The following ERBB4 variants were observed in gnomAD, a reference collection of about 807,000 sequenced individuals.
The protein encoded by ERBB4 is receptor tyrosine-protein kinase erbB-4.
In ERBB4, 42 loss-of-function variants were observed where a neutral mutation model predicts 158.0. The ratio of observed to expected loss-of-function variants is 0.27; its 90% confidence interval spans 0.21 to 0.34. The LOEUF is 0.34. Among genes scored for constraint, ERBB4 ranks in the 10% least tolerant of loss-of-function variants. The pLI, the probability that ERBB4 is intolerant of heterozygous loss-of-function variation, is 1.00. For synonymous variants in ERBB4, 583 were observed against 558.7 expected (o/e 1.04, Z -0.61); for missense variants, 1,333 against 1,624.1 (o/e 0.82, Z 3.08).
chr2:211,999,916 T>C (rs192621606), intron 2 of ERBB4, among the ~76,000 whole-genome samples: 2 of 151,934 alleles, frequency 1.3e-5, no homozygotes, highest in Admixed American at 1.3e-4. Context: ...CTTTTAATTT[T>C]AGACCAGTGG....
chr2:212,168,003 C>T (rs2081400335), intron 1 of ERBB4, among the ~76,000 whole-genome samples: 1 of 151,548 alleles, frequency 6.6e-6, no homozygotes, highest in African/African-American at 2.4e-5. Flanking sequence ...ACCACCATGG[C>T]ACACGTATAC....
intron 1 of ERBB4, among the ~76,000 whole-genome samples, chr2:212,204,549 T>C (rs1304259492): frequency 6.6e-6 from 1 of 151,654 alleles, no homozygotes; most frequent in Non-Finnish European, 1.5e-5. Context: ...AACACAAAAA[T>C]TAGCCGGCTT....
chr2:211,905,738 G>GTATATATATATATATATATA (rs1469524984), intron 3 of ERBB4, among the ~76,000 whole-genome samples: 24 of 108,232 alleles, frequency 2.2e-4, no homozygotes, highest in African/African-American at 7.2e-4. Context: ...GTGTGTGCAT[G>GTATATATATATATATATATA]TGTGTGTATA....
chr2:211,842,163 T>C (rs1216645656), intron 3 of ERBB4, among the ~76,000 whole-genome samples: 1 of 152,028 alleles, frequency 6.6e-6, no homozygotes, highest in Non-Finnish European at 1.5e-5. Flanking sequence ...GTGATTTGAA[T>C]TTTTTTGAAT....
intron 1 of ERBB4, among the ~76,000 whole-genome samples, chr2:212,402,001 G>A (rs1574852313): frequency 6.6e-6 from 1 of 152,000 alleles, no homozygotes; most frequent in African/African-American, 2.4e-5. Flanking sequence ...TCTATTAATT[G>A]TATTCTCGGC....
chr2:212,003,191 AAGAAAGAAAGAAAGAC>A lies in ERBB4; in HGVS notation c.235-55591_235-55576del, dbSNP rs1398843113. 5.2e-3 allele frequency among the ~76,000 whole-genome samples: 385 copies of A among 74,020 alleles called. 18 individuals carry two copies. Among genetic ancestry groups the A allele is most frequent in the East Asian group, 0.016 (43 of 2,652 alleles). 48.6% of individuals were successfully genotyped at this position (74,020 alleles called of 152,430 possible). ...AAAGAAAGAAAGAAAGAAAGAAAGA[AAGAAAGAAAGAAAGAC>A]AGAAAGAAGGAAGGAAGGAAGGAAG... On this transcript the variant is annotated intron_variant, in intron 2 of 27. Transcript: ENST00000342788.
At chr2:212,043,367 A>C (rs2077183734) in intron 2 of ERBB4, among the ~76,000 whole-genome samples, 1 of 152,106 alleles carries the variant, frequency 6.6e-6, no homozygotes, top group Admixed American at 6.6e-5. Flanking sequence ...ATTTGTTTCT[A>C]ATTGTGCTAG....
chr2:212,522,148 T>C (rs986057730), intron 1 of ERBB4, among the ~76,000 whole-genome samples: 2 of 152,006 alleles, frequency 1.3e-5, no homozygotes, highest in Admixed American at 6.6e-5. Flanking sequence ...AATAGGAGCC[T>C]AGGCATTGCT....
chr2:212,301,629 C>G lies in ERBB4; in HGVS notation c.83-176726G>C, dbSNP rs181258416. Reference sequence around the variant, plus strand: ...AGTGTAGTAACTTTTGTAACAGGTCCTAATATTGTCAGTACTGATGCATAT... The same window carrying G: ...AGTGTAGTAACTTTTGTAACAGGTCGTAATATTGTCAGTACTGATGCATAT... On this transcript the variant is annotated intron_variant, in intron 1 of 27. Transcript: ENST00000342788. 1.3e-4 allele frequency among the ~76,000 whole-genome samples: 20 copies of G among 150,938 alleles called. 1 individual carries two copies. Among genetic ancestry groups the G allele is most frequent in the African/African-American group, 4.6e-4 (19 of 41,184 alleles).
intron 1 of ERBB4, among the ~76,000 whole-genome samples, chr2:212,191,909 C>A (rs1559705602): frequency 2.6e-5 from 3 of 113,648 alleles, no homozygotes; most frequent in African/African-American, 9.6e-5. Context: ...ATATATGATA[C>A]ATATGTTATA....
chr2:211,895,463 T>C (rs2079073711), intron 3 of ERBB4, among the ~76,000 whole-genome samples: 1 of 151,986 alleles, frequency 6.6e-6, no homozygotes, highest in Non-Finnish European at 1.5e-5. Flanking sequence ...TCACTTTTTT[T>C]CCTTCAGCTG....
intron 20 of ERBB4, chr2:211,561,663 T>C (rs2067396012): frequency 4.0e-6 from 2 of 505,548 alleles, no homozygotes; most frequent in Non-Finnish European, 7.1e-6. Context: ...ACCAAGCTAT[T>C]TGTTTTGGCA....
intron 1 of ERBB4, among the ~76,000 whole-genome samples, chr2:212,147,157 A>ATTTTT (rs71397161): frequency 0.028 from 966 of 34,242 alleles, 192 homozygotes; most frequent in African/African-American, 0.039. Flanking sequence ...TGCCCAGCTA[A>ATTTTT]TTTTTTTTTT....
At chr2:212,115,393 G>T (rs907112571) in intron 2 of ERBB4, among the ~76,000 whole-genome samples, 4 of 151,894 alleles carry the variant, frequency 2.6e-5, no homozygotes, top group African/African-American at 9.7e-5. Context: ...TAAAGCTAAT[G>T]AAAATATATG....
intron 20 of ERBB4, among the ~76,000 whole-genome samples, chr2:211,509,030 G>T (rs1389102306): frequency 6.6e-6 from 1 of 152,148 alleles, no homozygotes; most frequent in East Asian, 1.9e-4. Flanking sequence ...CATGTCCTTT[G>T]CAGGGACATG....
chr2:212,310,937 T>G (rs1275484250), intron 1 of ERBB4, among the ~76,000 whole-genome samples: 1 of 150,780 alleles, frequency 6.6e-6, no homozygotes, highest in Non-Finnish European at 1.5e-5. Flanking sequence ...TATTTTACAT[T>G]CTTTTCTATG....
chr2:211,798,724 C>T (rs1375705103), intron 3 of ERBB4, among the ~76,000 whole-genome samples: 1 of 152,016 alleles, frequency 6.6e-6, no homozygotes, highest in Non-Finnish European at 1.5e-5. Flanking sequence ...ATGAAATCCC[C>T]ATTAAGTTTG....
chr2:211,868,138 T>C (rs1171539191), intron 3 of ERBB4, among the ~76,000 whole-genome samples: 3 of 152,180 alleles, frequency 2.0e-5, no homozygotes, highest in South Asian at 4.1e-4. Context: ...ATTTCTTAGA[T>C]AGGAAAAAAC....
intron 20 of ERBB4, among the ~76,000 whole-genome samples, chr2:211,489,375 C>G (rs1454911027): frequency 6.6e-6 from 1 of 151,956 alleles, no homozygotes. Flanking sequence ...AGGCATATGA[C>G]TTTAGGCGGC....
Sources: gnomAD v4.1 joint callset for allele counts (sites outside exome capture counted in the v4.1 genomes callset) on GRCh38, gnomAD v4.1.1 for gene constraint, MANE v1.5 for transcripts, NCBI Gene and HGNC (gene_info 2026-07-23, HGNC 2026-07-21) for gene names.